Variants in PPP2R2B observed in about 807,000 individuals in gnomAD.
PPP2R2B encodes the protein serine/threonine-protein phosphatase 2A 55 kDa regulatory subunit B beta isoform.
Under a neutral mutation model 46.0 loss-of-function variants are expected in PPP2R2B, and 5 were observed. That is an observed-to-expected ratio of 0.11 (90% CI 0.06 to 0.23). The LOEUF is 0.23. Ranked by LOEUF, PPP2R2B falls within the 10% of genes least tolerant of loss-of-function variation. PPP2R2B has a pLI of 1.00. For synonymous variants in PPP2R2B, 215 were observed against 206.7 expected (o/e 1.04, Z -0.34); for missense variants, 367 against 575.0 (o/e 0.64, Z 3.70).
intron 2 of PPP2R2B, among the ~76,000 whole-genome samples, chr5:146,709,980 A>G (rs1037400202): frequency 6.6e-6 from 1 of 152,216 alleles, no homozygotes. Context: ...GCCTTACAAC[A>G]TATTTGCACA....
intron 7 of PPP2R2B, 103 bp downstream of exon 7, chr5:146,638,147 CT>C (rs1290045260): frequency 1.7e-6 from 2 of 1,206,030 alleles, no homozygotes; most frequent in African/African-American, 3.0e-5. Context: ...TTCTTTACTC[CT>C]AGTGTGTCTG....
At chr5:146,722,788 T>C (rs1751608231) in intron 2 of PPP2R2B, among the ~76,000 whole-genome samples, 1 of 152,242 alleles carries the variant, frequency 6.6e-6, no homozygotes, top group African/African-American at 2.4e-5. Flanking sequence ...TTATATACAG[T>C]ACCAGTGTTG....
intron 6 of PPP2R2B, among the ~76,000 whole-genome samples, chr5:146,649,017 T>C (rs1338119287): frequency 6.6e-6 from 1 of 152,198 alleles, no homozygotes; most frequent in Non-Finnish European, 1.5e-5. Flanking sequence ...ATATTTGAAT[T>C]ACATGTTGAA....
intron 1 of PPP2R2B, among the ~76,000 whole-genome samples, chr5:146,973,768 G>T (rs1437254693): frequency 6.6e-6 from 1 of 152,172 alleles, no homozygotes; most frequent in East Asian, 1.9e-4. Flanking sequence ...TCTTTGACAA[G>T]GTTCTGTGTC....
At chr5:146,902,737 C>T (rs1482561831) in intron 1 of PPP2R2B, among the ~76,000 whole-genome samples, 1 of 152,218 alleles carries the variant, frequency 6.6e-6, no homozygotes, top group African/African-American at 2.4e-5. Context: ...ATTCAAACTC[C>T]TTAAGCTGAT....
At chr5:146,939,805 T>TA (rs1012146929) in intron 1 of PPP2R2B, among the ~76,000 whole-genome samples, 3 of 152,208 alleles carry the variant, frequency 2.0e-5, no homozygotes, top group African/African-American at 7.2e-5. Flanking sequence ...AGCTTGCTTT[T>TA]AAAAAATAAG....
chr5:146,847,877 A>C (rs1329744910), intron 2 of PPP2R2B, among the ~76,000 whole-genome samples: 1 of 152,194 alleles, frequency 6.6e-6, no homozygotes, highest in Non-Finnish European at 1.5e-5. Flanking sequence ...GCCCCATAGC[A>C]GGGGATACGA....
chr5:146,878,030 G>A lies in PPP2R2B; in HGVS notation c.42C>T (p.Phe14=). 6.2e-7 allele frequency: 1 copy of A among 1,614,134 alleles called. No homozygotes were observed. Among genetic ancestry groups the A allele is most frequent in the Non-Finnish European group, 8.5e-7 (1 of 1,180,004 alleles). ...CGGTCGCATAGCTGTGGTCGCGCAG[G>A]AAACTGTTGTTGATTTTGCGGGTAT... is the stretch of plus-strand genomic sequence containing the variant. The part of the protein sequence containing the change: ...DIDTRKINNS[F]LRDHSYATEA... The change falls in exon 2 of 10, where the codon TTC becomes TTT. Residue 14 remains phenylalanine (F), a synonymous_variant. Coordinates refer to ENST00000394411, the MANE Select transcript of PPP2R2B (RefSeq NM_181675.4). The surrounding 1 kb of genome is among the most constrained non-coding windows in gnomAD (Gnocchi z 4.5).
intron 1 of PPP2R2B, among the ~76,000 whole-genome samples, chr5:146,973,006 T>C (rs1752734487): frequency 6.6e-6 from 1 of 152,200 alleles, no homozygotes; most frequent in Non-Finnish European, 1.5e-5. Context: ...TGTATTAGTT[T>C]CTCTTATGAG....
intron 6 of PPP2R2B, among the ~76,000 whole-genome samples, chr5:146,640,678 A>G (rs759071177): frequency 5.9e-5 from 9 of 152,226 alleles, no homozygotes; most frequent in Non-Finnish European, 1.0e-4. Context: ...AACAAGCTGA[A>G]CTGGAAGGGA....
intron 2 of PPP2R2B, among the ~76,000 whole-genome samples, chr5:146,805,031 TCTC>T (rs1423411552): frequency 6.6e-6 from 1 of 152,122 alleles, no homozygotes; most frequent in Non-Finnish European, 1.5e-5. Flanking sequence ...CAACGGCAAT[TCTC>T]CTCCTCAAGC....
chr5:146,672,084 G>T (rs1475884618), intron 5 of PPP2R2B, among the ~76,000 whole-genome samples: 1 of 152,188 alleles, frequency 6.6e-6, no homozygotes, highest in African/African-American at 2.4e-5. Flanking sequence ...TTGGCAGGGG[G>T]TAATTTATTG....
intron 2 of PPP2R2B, among the ~76,000 whole-genome samples, chr5:146,868,449 C>T (rs921367300): frequency 6.6e-6 from 1 of 152,128 alleles, no homozygotes; most frequent in East Asian, 1.9e-4. Context: ...TCAAAGAGAC[C>T]TAGATGATCA....
At chr5:146,658,683 CCTT>C (rs1194021930) in intron 5 of PPP2R2B, among the ~76,000 whole-genome samples, 1 of 152,162 alleles carries the variant, frequency 6.6e-6, no homozygotes. Flanking sequence ...CCTAGGTTCT[CCTT>C]CTTCCTTTTT....
At chr5:146,631,906 T>C (rs148346598) in intron 7 of PPP2R2B, among the ~76,000 whole-genome samples, 1 of 152,268 alleles carries the variant, frequency 6.6e-6, no homozygotes, top group Non-Finnish European at 1.5e-5. Flanking sequence ...CATGACCTCT[T>C]TCCACTCTTA....
chr5:146,617,111 G>A (rs1179097399), intron 7 of PPP2R2B: 1 of 152,194 alleles, frequency 6.6e-6, no homozygotes, highest in Non-Finnish European at 1.5e-5. Context: ...TAAGTGAAAT[G>A]AGCCAGGGAC....
At chr5:146,909,198 T>G (rs1412344277) in intron 1 of PPP2R2B, among the ~76,000 whole-genome samples, 1 of 152,136 alleles carries the variant, frequency 6.6e-6, no homozygotes, top group Non-Finnish European at 1.5e-5. Flanking sequence ...AGAGACTAAC[T>G]AGGGGTTCCA....
intron 1 of PPP2R2B, among the ~76,000 whole-genome samples, chr5:147,052,838 A>G (rs1297471408): frequency 6.6e-5 from 10 of 152,150 alleles, no homozygotes; most frequent in Admixed American, 5.9e-4. Flanking sequence ...TCTGACTGCT[A>G]CATGGAGAAC....
chr5:146,632,520 G>C (rs935249493), intron 7 of PPP2R2B, among the ~76,000 whole-genome samples: 2 of 152,130 alleles, frequency 1.3e-5, no homozygotes, highest in Non-Finnish European at 2.9e-5. Flanking sequence ...GCCCCACCAG[G>C]TGCTATGTAA....
Sources: gnomAD v4.1 joint callset for allele counts (sites outside exome capture counted in the v4.1 genomes callset) on GRCh38, gnomAD v4.1.1 for gene constraint, Gnocchi (gnomAD v3.1) non-coding constraint, MANE v1.5 for transcripts, NCBI Gene and HGNC (gene_info 2026-07-23, HGNC 2026-07-21) for gene names.